FBXL7: variants seen among roughly 807,000 people sequenced by gnomAD.
FBXL7 encodes F-box and leucine rich repeat protein 7.
In FBXL7, 12 loss-of-function variants were observed where a neutral mutation model predicts 38.3. The observed-to-expected ratio is 0.31, with a 90% confidence interval of 0.20 to 0.51. The LOEUF (loss-of-function observed/expected upper bound fraction) is 0.51. FBXL7 is among the 20% of genes least tolerant of loss of function. The pLI is 0.98. For missense variants in FBXL7, 567 were observed against 676.4 expected (o/e 0.84, Z 1.79); for synonymous variants, 297 against 300.9 (o/e 0.99, Z 0.13).
At chr5:15,576,197 C>G (rs1341137190) in intron 1 of FBXL7, among the ~76,000 whole-genome samples, 1 of 150,796 alleles carries the variant, frequency 6.6e-6, no homozygotes, top group East Asian at 2.0e-4. Context: ...ATTCTCCTGC[C>G]TCAGCTTCCT....
At chr5:15,818,071 G>T (rs1201558974) in intron 2 of FBXL7, among the ~76,000 whole-genome samples, 2 of 135,042 alleles carry the variant, frequency 1.5e-5, no homozygotes, top group Admixed American at 1.7e-4. Context: ...TAAAATGTTA[G>T]TATCATATTA....
intron 1 of FBXL7, among the ~76,000 whole-genome samples, chr5:15,605,306 C>T (rs1739967306): frequency 6.6e-6 from 1 of 152,086 alleles, no homozygotes; most frequent in Non-Finnish European, 1.5e-5. Context: ...GCAGCATTCA[C>T]AATAGCCAAA....
intron 1 of FBXL7, among the ~76,000 whole-genome samples, chr5:15,562,681 CCTT>C (rs759585125): frequency 2.0e-5 from 3 of 151,940 alleles, no homozygotes; most frequent in Non-Finnish European, 4.4e-5. Flanking sequence ...TCTCTCCATC[CCTT>C]CTTCTGCTCC....
chr5:15,928,592 T>C lies in FBXL7; in HGVS notation c.739+91T>C. On this transcript the variant is annotated intron_variant, in intron 3 of 3. Coordinates refer to ENST00000504595, the MANE Select transcript of FBXL7 (RefSeq NM_012304.5). This position sits in a 1 kb window ranked among gnomAD's most constrained non-coding sequence, Gnocchi z 4.0. The stretch of plus-strand genomic sequence containing the variant: ...GTGCCACCACCGGAGGGTCCTCTTC[T>C]TGCAAGCCATCAGAGATGGGGGCGG... The C allele has an allele frequency of 6.7e-7, 1 of 1,487,916 alleles. No individual in the cohort carries two copies. The highest frequency in any genetic ancestry group is 9.0e-7 in the Non-Finnish European group (1 of 1,114,124). 92.2% of individuals were successfully genotyped at this position (1,487,916 alleles called of 1,614,324 possible).
At chr5:15,872,819 C>T (rs901492054) in intron 2 of FBXL7, among the ~76,000 whole-genome samples, 2 of 152,128 alleles carry the variant, frequency 1.3e-5, no homozygotes, top group East Asian at 1.9e-4. Flanking sequence ...TAGATTCCCA[C>T]ACAATAATAG....
intron 3 of FBXL7, among the ~76,000 whole-genome samples, chr5:15,930,510 C>G (rs1253526913): frequency 1.3e-5 from 2 of 152,156 alleles, no homozygotes; most frequent in Non-Finnish European, 2.9e-5. Context: ...TTTTGAAGTT[C>G]AGAAATGCAG....
chr5:15,806,710 A>G (rs990186500), intron 2 of FBXL7, among the ~76,000 whole-genome samples: 1 of 152,140 alleles, frequency 6.6e-6, no homozygotes, highest in African/African-American at 2.4e-5. Flanking sequence ...AGTGGGATAG[A>G]CTGGCCCAAT....
chr5:15,697,199 GT>G (rs909962653), intron 2 of FBXL7, among the ~76,000 whole-genome samples: 4 of 152,120 alleles, frequency 2.6e-5, no homozygotes, highest in African/African-American at 9.7e-5. Context: ...GGAGTTTGGT[GT>G]TTTTGTTGGG....
intron 1 of FBXL7, among the ~76,000 whole-genome samples, chr5:15,566,333 C>A (rs1229758347): frequency 2.0e-5 from 3 of 152,122 alleles, no homozygotes; most frequent in African/African-American, 7.2e-5. Flanking sequence ...AACTGGACAA[C>A]CTGCCTTTCA....
At chr5:15,660,702 C>T (rs1030849196) in intron 2 of FBXL7, among the ~76,000 whole-genome samples, 2 of 152,080 alleles carry the variant, frequency 1.3e-5, no homozygotes, top group African/African-American at 4.8e-5. Flanking sequence ...ATTTATCTCT[C>T]CAGACTCCCA....
At chr5:15,508,146 A>G (rs1199530280) in intron 1 of FBXL7, among the ~76,000 whole-genome samples, 3 of 152,190 alleles carry the variant, frequency 2.0e-5, no homozygotes, top group Non-Finnish European at 4.4e-5. Flanking sequence ...GAAGACTTAC[A>G]TTAGTCTTCG....
intron 2 of FBXL7, among the ~76,000 whole-genome samples, chr5:15,890,538 G>A (rs1383114632): frequency 6.6e-6 from 1 of 152,176 alleles, no homozygotes; most frequent in Non-Finnish European, 1.5e-5. Context: ...ACCGTGCCCG[G>A]CTGGCTTTCG....
intron 1 of FBXL7, 41 bp downstream of exon 1, chr5:15,500,754 C>G: frequency 1.3e-6 from 2 of 1,595,832 alleles, no homozygotes; most frequent in Non-Finnish European, 1.7e-6. Context: ...GATCGCGTCC[C>G]TCCTCCCCTT....
intron 1 of FBXL7, among the ~76,000 whole-genome samples, chr5:15,519,958 C>T (rs1435316864): frequency 1.3e-5 from 2 of 152,340 alleles, no homozygotes; most frequent in East Asian, 3.9e-4. Flanking sequence ...ACTCCATAGA[C>T]AGGGCAGCCC....
rs189087638 is a variant in FBXL7, at chr5:15,716,350, T to A, written c.127+100278T>A. ...TGCTTTGTGTATCTGACCCGTAACA[T>A]TTGTATGAATGTGGCAAGTTTAACT... On this transcript the variant is annotated intron_variant, in intron 2 of 3. Transcript: ENST00000504595. 6.1e-4 allele frequency among the ~76,000 whole-genome samples: 93 copies of A among 152,348 alleles called. 1 individual carries two copies. Among genetic ancestry groups the A allele is most frequent in the Middle Eastern group, 3.4e-3 (1 of 294 alleles).
intron 2 of FBXL7, among the ~76,000 whole-genome samples, chr5:15,797,495 T>A (rs1413656552): frequency 6.6e-6 from 1 of 152,214 alleles, no homozygotes; most frequent in African/African-American, 2.4e-5. Flanking sequence ...TCTTCTGGGC[T>A]GATGCTCTCT....
chr5:15,582,283 G>C (rs1739169898), intron 1 of FBXL7, among the ~76,000 whole-genome samples: 1 of 152,136 alleles, frequency 6.6e-6, no homozygotes, highest in South Asian at 2.1e-4. Flanking sequence ...AATTGAAGAG[G>C]TACTAGAAGA....
intron 2 of FBXL7, among the ~76,000 whole-genome samples, chr5:15,765,849 T>C (rs1242286748): frequency 6.6e-6 from 1 of 152,028 alleles, no homozygotes; most frequent in Non-Finnish European, 1.5e-5. Context: ...CCACCCCCAA[T>C]AGATCTTATA....
intron 2 of FBXL7, among the ~76,000 whole-genome samples, chr5:15,623,547 G>A (rs185196619): frequency 6.6e-6 from 1 of 152,206 alleles, no homozygotes; most frequent in East Asian, 1.9e-4. Flanking sequence ...GTTCTAAATA[G>A]GATTATTTTG....
Sources: gnomAD v4.1 joint callset for allele counts (sites outside exome capture counted in the v4.1 genomes callset) on GRCh38, gnomAD v4.1.1 for gene constraint, Gnocchi (gnomAD v3.1) non-coding constraint, MANE v1.5 for transcripts, NCBI Gene and HGNC (gene_info 2026-07-23, HGNC 2026-07-21) for gene names.